The following CCDC85C variants were observed in gnomAD, a reference collection of about 807,000 sequenced individuals.
CCDC85C encodes coiled-coil domain containing 85C.
A neutral mutation model predicts 38.3 loss-of-function variants in CCDC85C; 18 were observed. The ratio of observed to expected loss-of-function variants is 0.47; its 90% confidence interval spans 0.33 to 0.70. CCDC85C has a LOEUF of 0.70. Among genes scored for constraint, CCDC85C ranks in the 30% least tolerant of loss-of-function variants. The pLI is 0.03. For missense variants in CCDC85C, 566 were observed against 621.2 expected (o/e 0.91, Z 0.94); for synonymous variants, 264 against 293.8 (o/e 0.90, Z 1.04).
At chr14:99,563,306 G>A (rs1898153507) in intron 1 of CCDC85C, among the ~76,000 whole-genome samples, 1 of 152,278 alleles carries the variant, frequency 6.6e-6, no homozygotes, top group Admixed American at 6.5e-5. Flanking sequence ...TCCTTTGTAT[G>A]GTCAACAATA....
chr14:99,564,459 C>G (rs1358570934), intron 1 of CCDC85C, among the ~76,000 whole-genome samples: 1 of 152,246 alleles, frequency 6.6e-6, no homozygotes, highest in Non-Finnish European at 1.5e-5. Context: ...TTTTCTGAAG[C>G]CTCCTCCTCC....
chr14:99,526,652 G>A (rs570675477), intron 2 of CCDC85C, among the ~76,000 whole-genome samples: 9 of 152,290 alleles, frequency 5.9e-5, no homozygotes, highest in South Asian at 2.1e-4. Flanking sequence ...AAGACCTGGC[G>A]ACCTCCCTCC....
chr14:99,598,692 G>C (rs2055168982), intron 1 of CCDC85C, among the ~76,000 whole-genome samples: 1 of 152,126 alleles, frequency 6.6e-6, no homozygotes, highest in Non-Finnish European at 1.5e-5. Context: ...TCTGACACAG[G>C]AGACCCAAGA....
rs1897154508 is a variant in CCDC85C at position 99,512,521 on chromosome 14, G to T, written c.*2725C>A. On this transcript the variant is annotated 3_prime_UTR_variant, in exon 6 of 6. Coordinates refer to ENST00000380243, the MANE Select transcript of CCDC85C (RefSeq NM_001144995.2). ...CTTTTTTCTCTTTAAACACTGATGT[G>T]TAGCTAGTAACTTGGATAAAAAGGT... The T allele has an allele frequency of 6.6e-6, 1 of 152,056 alleles. No individual in the cohort carries two copies. Among genetic ancestry groups the T allele is most frequent in the Non-Finnish European group, 1.5e-5 (1 of 68,026 alleles). The allele number at this position is 152,056 out of a possible 1,614,324, so 9.4% of individuals were successfully genotyped here. A position where few individuals can be genotyped will look rare whatever the true frequency, so the allele number is the denominator to read the frequency against.
intron 1 of CCDC85C, among the ~76,000 whole-genome samples, chr14:99,579,791 C>T (rs2139974126): frequency 6.6e-6 from 1 of 152,256 alleles, no homozygotes; most frequent in South Asian, 2.1e-4. Context: ...CTCCTGATTC[C>T]TTCCCCATCC....
At chr14:99,574,345 TG>T (rs1208576832) in intron 1 of CCDC85C, among the ~76,000 whole-genome samples, 1 of 152,102 alleles carries the variant, frequency 6.6e-6, no homozygotes, top group Non-Finnish European at 1.5e-5. Flanking sequence ...GAATCCTTCC[TG>T]GATTGGAAGA....
rs1352843425 is a variant in CCDC85C, at chr14:99,544,128, T to C, written c.794-8040A>G. Among the ~76,000 whole-genome samples the C allele has an allele frequency of 2.0e-5, 3 of 152,218 alleles. No individual in the cohort carries two copies. The highest frequency in any genetic ancestry group is 2.0e-4 in the Admixed American group (3 of 15,294). ...CATCACACCAAGCTGACGAGGGACA[T>C]CCTGTAACTGCTACCACTGTGTCAT... On this transcript the variant is annotated intron_variant, in intron 1 of 5. Coordinates refer to ENST00000380243, the MANE Select transcript of CCDC85C (RefSeq NM_001144995.2). The surrounding 1 kb of genome is among the most constrained non-coding windows in gnomAD (Gnocchi z 5.3).
At position 99,569,596 on chromosome 14, in the gene CCDC85C, G is replaced by A. The variant is rs1898292892; in HGVS notation, c.794-33508C>T. 6.6e-6 allele frequency among the ~76,000 whole-genome samples: 1 copy of A among 152,198 alleles called. No homozygotes were observed. Among genetic ancestry groups the A allele is most frequent in the Admixed American group, 6.5e-5 (1 of 15,288 alleles). ...TCAACGGTCCCAGGCCAAAAAGCCA[G>A]GACACTCCAGAGCCAAGAGCTGAAC... On this transcript the variant is annotated intron_variant, in intron 1 of 5. Transcript: ENST00000380243. This position sits in a 1 kb window ranked among gnomAD's most constrained non-coding sequence, Gnocchi z 4.3.
chr14:99,557,346 G>A (rs917502983), intron 1 of CCDC85C, among the ~76,000 whole-genome samples: 3 of 152,214 alleles, frequency 2.0e-5, no homozygotes, highest in African/African-American at 2.4e-5. Context: ...CTCGGCTGGA[G>A]GAAGAGACAA....
At chr14:99,532,318 G>A (rs964101436) in intron 2 of CCDC85C, among the ~76,000 whole-genome samples, 6 of 152,160 alleles carry the variant, frequency 3.9e-5, no homozygotes, top group Admixed American at 6.5e-5. Flanking sequence ...CTGAGAATGG[G>A]GCCACCACTT....
intron 1 of CCDC85C, among the ~76,000 whole-genome samples, chr14:99,579,859 C>T (rs75585999): frequency 0.05 from 7,621 of 152,192 alleles, 609 homozygotes; most frequent in African/African-American, 0.17. Flanking sequence ...GAGACACACA[C>T]GGTTGTTGGT....
chr14:99,534,636 C>G (rs1384595040), intron 2 of CCDC85C: 1 of 702,374 alleles, frequency 1.4e-6, no homozygotes, highest in South Asian at 1.5e-5. Context: ...AAGCCATGAC[C>G]TTCTCCTGGT....
intron 1 of CCDC85C, among the ~76,000 whole-genome samples, chr14:99,538,552 G>A (rs1018895229): frequency 2.0e-5 from 3 of 152,214 alleles, no homozygotes; most frequent in Non-Finnish European, 4.4e-5. Context: ...GCCCTTCGCT[G>A]CCACAGAACC....
intron 1 of CCDC85C, among the ~76,000 whole-genome samples, chr14:99,579,530 C>G (rs1476564695): frequency 1.3e-5 from 2 of 152,248 alleles, no homozygotes; most frequent in Non-Finnish European, 2.9e-5. Flanking sequence ...GGCATGTGTT[C>G]CCAGCTGCCC....
At chr14:99,546,613 G>A (rs1292103439) in intron 1 of CCDC85C, among the ~76,000 whole-genome samples, 3 of 152,260 alleles carry the variant, frequency 2.0e-5, no homozygotes, top group African/African-American at 4.8e-5. Context: ...TTCCTAGGGC[G>A]ATGGGAGTTC....
chr14:99,595,393 C>T (rs955026649), intron 1 of CCDC85C, among the ~76,000 whole-genome samples: 6 of 152,148 alleles, frequency 3.9e-5, no homozygotes, highest in South Asian at 2.1e-4. Flanking sequence ...ATTACAGGCG[C>T]GTGCCACCAC....
In CCDC85C at chr14:99,589,833, C is replaced by T. The variant is rs138541354; in HGVS notation, c.793+13334G>A. On this transcript the variant is annotated intron_variant, in intron 1 of 5. Coordinates refer to ENST00000380243, the MANE Select transcript of CCDC85C (RefSeq NM_001144995.2). ...AATAAAGCAACAGCCAGGAGAATCCCGCCACTGCCTACACCCCTGCCTGCA... is the reference window on the plus strand; with the variant it reads ...AATAAAGCAACAGCCAGGAGAATCCTGCCACTGCCTACACCCCTGCCTGCA... Among the ~76,000 whole-genome samples, 732 of 152,316 alleles carry T rather than the reference C, an allele frequency of 4.8e-3. 4 individuals are homozygous for T. Among genetic ancestry groups the T allele is most frequent in the African/African-American group, 0.017 (688 of 41,558 alleles).
At chr14:99,573,700 T>C (rs1174317972) in intron 1 of CCDC85C, among the ~76,000 whole-genome samples, 1 of 152,216 alleles carries the variant, frequency 6.6e-6, no homozygotes, top group Admixed American at 6.5e-5. Flanking sequence ...CTCCTTGCTC[T>C]GCACAGCCCT....
chr14:99,557,713 G>A (rs1236367283), intron 1 of CCDC85C, among the ~76,000 whole-genome samples: 7 of 152,128 alleles, frequency 4.6e-5, no homozygotes, highest in African/African-American at 1.2e-4. Context: ...CCAGGAGTTC[G>A]AGGCCAGCCT....
Sources: allele counts gnomAD v4.1 joint callset (sites outside exome capture counted in the v4.1 genomes callset), GRCh38; gene constraint gnomAD v4.1.1; non-coding constraint Gnocchi (gnomAD v3.1); transcripts MANE v1.5; gene names NCBI Gene and HGNC (gene_info 2026-07-23, HGNC 2026-07-21).